CIITA: variants seen among roughly 807,000 people sequenced by gnomAD.
CIITA encodes class II major histocompatibility complex transactivator.
CIITA carries 72 observed loss-of-function variants against 115.1 expected under a neutral mutation model. That is an observed-to-expected ratio of 0.63 (90% confidence interval 0.52 to 0.76). The LOEUF is 0.76. CIITA is among the 30% of genes least tolerant of loss of function. The pLI, the probability that CIITA is intolerant of heterozygous loss-of-function variation, is 0.00. For synonymous variants in CIITA, 763 were observed against 635.6 expected (o/e 1.20, Z -3.02); for missense variants, 1,617 against 1,463.8 (o/e 1.10, Z -1.71).
rs1287513343 is a variant in CIITA at position 10,925,730 on chromosome 16, GCA to G, written c.*1881_*1882del. Reference sequence around the variant, plus strand: ...TACACACACATACACACACACGCGTGCACACACCAGAGCCCACCTTGGCTCAA... The same window carrying G: ...TACACACACATACACACACACGCGTGCACACCAGAGCCCACCTTGGCTCAA... On this transcript the variant is annotated 3_prime_UTR_variant, in exon 20 of 20. Coordinates refer to ENST00000324288, the MANE Select transcript of CIITA (RefSeq NM_000246.4). 2 of 152,274 alleles carry G rather than the reference GCA, an allele frequency of 1.3e-5. No homozygotes were observed. The highest frequency in any genetic ancestry group is 3.9e-4 in the East Asian group (2 of 5,194). The allele number at this position is 152,274 out of a possible 1,614,324, so 9.4% of individuals were successfully genotyped here.
At chr16:10,876,175 C>A (rs1188150075), upstream of CIITA, among the ~76,000 whole-genome samples, 2 of 151,342 alleles carry the variant, frequency 1.3e-5, no homozygotes, top group South Asian at 2.1e-4. Context: ...CAAAAACAAA[C>A]AAAAAAAACC....
Position 10,901,584 on chromosome 16 carries a change from TGGGAA to T in CIITA, c.481+30_481+34del, listed in dbSNP as rs764794681. Reference sequence around the variant, plus strand: ...GTGTGCAGGGCAGGTGGGCTGGGGTTGGGAAGGGTGGATGCCTTGGGGAGGGGATG... The same window carrying T: ...GTGTGCAGGGCAGGTGGGCTGGGGTTGGGTGGATGCCTTGGGGAGGGGATG... On this transcript the variant is annotated intron_variant, in intron 6 of 19. Coordinates refer to ENST00000324288, the MANE Select transcript of CIITA (RefSeq NM_000246.4). This position sits in a 1 kb window ranked among gnomAD's most constrained non-coding sequence, Gnocchi z 6.8. The T allele has an allele frequency of 3.1e-6, 5 of 1,612,178 alleles. No individual in the cohort carries two copies. The Admixed American group carries it at 8.3e-5, about 27-fold the overall frequency.
In CIITA at chr16:10,895,633, A is replaced by C. The variant is rs755717247; in HGVS notation, c.200-36A>C. The C allele has an allele frequency of 1.4e-5, 23 of 1,613,322 alleles. No homozygotes were observed. In the East Asian group the frequency reaches 2.9e-4, roughly 20 times the overall value. On this transcript the variant is annotated intron_variant, in intron 2 of 19. Coordinates refer to ENST00000324288, the MANE Select transcript of CIITA (RefSeq NM_000246.4). ...GTTCCCCACCAGCCCTCTTTCCAGA[A>C]ATTTCCTTCTTCATCCAAGGGACTT... is the stretch of plus-strand genomic sequence containing the variant.
chr16:10,915,138 C>T (rs975194870), intron 13 of CIITA: 3 of 430,656 alleles, frequency 7.0e-6, no homozygotes, highest in South Asian at 3.3e-5. Flanking sequence ...GCATCCTCCA[C>T]CTCCTGGGCT....
At chr16:10,915,909 A>G (rs1035219697) in intron 14 of CIITA, among the ~76,000 whole-genome samples, 2 of 152,180 alleles carry the variant, frequency 1.3e-5, no homozygotes, top group Non-Finnish European at 2.9e-5. Context: ...TGCATCCTCA[A>G]TGTGGCTGGC....
chr16:10,899,683 A>G (rs2038512256), intron 5 of CIITA, among the ~76,000 whole-genome samples: 1 of 152,210 alleles, frequency 6.6e-6, no homozygotes, highest in Admixed American at 6.5e-5. Flanking sequence ...CAGTTAACTG[A>G]GTACTTATTA....
Position 10,926,570 on chromosome 16 carries a change from C to T in CIITA, c.*2715C>T, listed in dbSNP as rs2040539035. 1 of 152,208 alleles carries T rather than the reference C, an allele frequency of 6.6e-6. No individual in the cohort carries two copies. Among genetic ancestry groups the T allele is most frequent in the Non-Finnish European group, 1.5e-5 (1 of 68,042 alleles). 9.4% of individuals were successfully genotyped at this position (152,208 alleles called of 1,614,324 possible). A position where few individuals can be genotyped will look rare whatever the true frequency, so the allele number is the denominator to read the frequency against. On this transcript the variant is annotated 3_prime_UTR_variant, in exon 20 of 20. Coordinates refer to ENST00000324288, the MANE Select transcript of CIITA (RefSeq NM_000246.4). ...TTTAATTTTTTTGAGACAGAGTTTT[C>T]ACTCTTATTGCCCACGCTGGAGTGC...
At chr16:10,919,275 C>A (rs2040138953) in intron 16 of CIITA, among the ~76,000 whole-genome samples, 1 of 5,906 alleles carries the variant, frequency 1.7e-4, no homozygotes, top group African/African-American at 1.8e-4. Context: ...CTCACTGCAA[C>A]TTCTGCCCCC....
upstream of CIITA, among the ~76,000 whole-genome samples, chr16:10,876,784 A>G (rs143604260): frequency 8.7e-4 from 133 of 152,324 alleles, no homozygotes; most frequent in Middle Eastern, 0.01. Context: ...GGGAGTAGGC[A>G]TGGTAGAGGA....
rs918821902 is a variant in CIITA, at chr16:10,932,332, A to G, written c.*8477A>G. 16 of 152,258 alleles carry G rather than the reference A, an allele frequency of 1.1e-4. No homozygotes were observed. Among genetic ancestry groups the G allele is most frequent in the African/African-American group, 3.6e-4 (15 of 41,454 alleles). The allele number at this position is 152,258 out of a possible 1,614,324, so 9.4% of individuals were successfully genotyped here. A position where few individuals can be genotyped will look rare whatever the true frequency, so the allele number is the denominator to read the frequency against. The stretch of plus-strand genomic sequence containing the variant: ...TGTTCACCTTGTACTACTCGAACTC[A>G]TGTCTTAACTCACTTATCCCTCAAA... On this transcript the variant is annotated 3_prime_UTR_variant, in exon 20 of 20. Coordinates refer to ENST00000324288, the MANE Select transcript of CIITA (RefSeq NM_000246.4).
At position 10,904,905 on chromosome 16, in the gene CIITA, C is replaced by T. The variant is rs554499471; in HGVS notation, c.1006+93C>T. On this transcript the variant is annotated intron_variant, in intron 10 of 19. Transcript: ENST00000324288. ...TCATTCACTTGACACTTATTCAACC[C>T]CTTCTTTGTTGGCTCACACACTCAT... 9.2e-6 allele frequency: 12 copies of T among 1,305,274 alleles called. 1 individual carries two copies. In the South Asian group the frequency reaches 1.3e-4, roughly 14 times the overall value. 80.9% of individuals were successfully genotyped at this position (1,305,274 alleles called of 1,614,324 possible).
At position 10,889,185 on chromosome 16, in the gene CIITA, G is replaced by A. The variant is rs141614653; in HGVS notation, c.53-6097G>A. Among the ~76,000 whole-genome samples the A allele has an allele frequency of 3.9e-5, 6 of 152,282 alleles. No individual in the cohort carries two copies. In the East Asian group the frequency reaches 5.8e-4, roughly 15 times the overall value. ...TCTCTCCTGCCACGGGATGATCAGG[G>A]CCATCTTTTCCCTCCATCCCGCTCT... On this transcript the variant is annotated intron_variant, in intron 1 of 19. Transcript: ENST00000324288.
In CIITA at chr16:10,925,187, C is replaced by G. The variant is rs981182913; in HGVS notation, c.*1332C>G. On this transcript the variant is annotated 3_prime_UTR_variant, in exon 20 of 20. Coordinates refer to ENST00000324288, the MANE Select transcript of CIITA (RefSeq NM_000246.4). Reference sequence around the variant, plus strand: ...GTTGGCTAGGACCCCTCCATGTGGGCTAGTTGGGCTTCCTCATAGTATGGT... The same window carrying G: ...GTTGGCTAGGACCCCTCCATGTGGGGTAGTTGGGCTTCCTCATAGTATGGT... 6.6e-6 allele frequency: 1 copy of G among 152,210 alleles called. No homozygotes were observed. Among genetic ancestry groups the G allele is most frequent in the African/African-American group, 2.4e-5 (1 of 41,434 alleles). The allele number at this position is 152,210 out of a possible 1,614,324, so 9.4% of individuals were successfully genotyped here.
rs1451098093 is a variant in CIITA, at chr16:10,942,574, G to A, written n.1700G>A. The A allele has an allele frequency of 1.3e-5, 2 of 152,444 alleles. No individual in the cohort carries two copies. Among genetic ancestry groups the A allele is most frequent in the African/African-American group, 4.8e-5 (2 of 41,586 alleles). The allele number at this position is 152,444 out of a possible 1,614,324, so 9.4% of individuals were successfully genotyped here. A position where few individuals can be genotyped will look rare whatever the true frequency, so the allele number is the denominator to read the frequency against. ...GCTGATTGGCTCCGGCCGCCAGGGG[G>A]CGGGTACCGCTTCGCTCCGCCCCTC... On this transcript the variant is annotated non_coding_transcript_exon_variant, in exon 2 of 2. Coordinates refer to the CIITA transcript ENST00000573379. This position sits in a 1 kb window ranked among gnomAD's most constrained non-coding sequence, Gnocchi z 5.0.
chr16:10,903,800 C>T lies in CIITA; in HGVS notation c.842C>T (p.Pro281Leu). Residue 281 changes from proline (P) to leucine (L), a missense_variant, in exon 9 of 20, where the codon CCA becomes CTA. Physicochemically the swap from Pro to Leu is moderately conservative, Grantham distance 98 (BLOSUM62 -3). Transcript: ENST00000324288. The part of the protein sequence containing the change: ...GFTVHGLPTS[P>L]DRPGSTSPFA... ...ACTGTCCACGGCCTCCCAACATCTC[C>T]AGACCGGCCAGGCTCCACCAGCCCC... The T allele has an allele frequency of 6.2e-7, 1 of 1,614,208 alleles. No homozygotes were observed. The highest frequency in any genetic ancestry group is 8.5e-7 in the Non-Finnish European group (1 of 1,180,042).
In CIITA at chr16:10,929,431, T is replaced by A; in HGVS notation, c.*5576T>A. Reference sequence around the variant, plus strand: ...CAGGCAGATGAGGTCTTGGGATGCCTCTTGCGTTCCCCCTTCTGTGGGAGC... The same window carrying A: ...CAGGCAGATGAGGTCTTGGGATGCCACTTGCGTTCCCCCTTCTGTGGGAGC... On this transcript the variant is annotated 3_prime_UTR_variant, in exon 20 of 20. Transcript: ENST00000324288. This position sits in a 1 kb window ranked among gnomAD's most constrained non-coding sequence, Gnocchi z 4.3. 5.1e-6 allele frequency: 5 copies of A among 985,886 alleles called. No individual in the cohort carries two copies. Among genetic ancestry groups the A allele is most frequent in the Non-Finnish European group, 4.8e-6 (4 of 829,972 alleles). 61.1% of individuals were successfully genotyped at this position (985,886 alleles called of 1,614,324 possible). A position where few individuals can be genotyped will look rare whatever the true frequency, so the allele number is the denominator to read the frequency against.
At position 10,928,612 on chromosome 16, in the gene CIITA, A is replaced by C. The variant is rs2145272169; in HGVS notation, c.*4757A>C. ...AGCCCTTCCCCCCTATCTTTAATGA[A>C]GGTCTACCATGTGCCTGACACAGGG... On this transcript the variant is annotated 3_prime_UTR_variant, in exon 20 of 20. Coordinates refer to ENST00000324288, the MANE Select transcript of CIITA (RefSeq NM_000246.4). 1 of 152,386 alleles carries C rather than the reference A, an allele frequency of 6.6e-6. No individual in the cohort carries two copies. The highest frequency in any genetic ancestry group is 2.4e-5 in the African/African-American group (1 of 41,560). 9.4% of individuals were successfully genotyped at this position (152,386 alleles called of 1,614,324 possible).
rs151070223 is a variant in CIITA, at chr16:10,904,936, TATTCATTC to T, written c.1006+138_1006+145del. On this transcript the variant is annotated intron_variant, in intron 10 of 19. Coordinates refer to ENST00000324288, the MANE Select transcript of CIITA (RefSeq NM_000246.4). ...TTGTTGGCTCACACACTCATTTATT[TATTCATTC>T]ATTCATTCATTCACTTATTTGATTA... The T allele has an allele frequency of 3.2e-3, 3,027 of 945,076 alleles. 59 individuals carry two copies. In the African/African-American group the frequency reaches 0.045, roughly 14 times the overall value. 58.5% of individuals were successfully genotyped at this position (945,076 alleles called of 1,614,324 possible).
At chr16:10,895,557 A>T (rs1596498936) in intron 2 of CIITA, 112 bp from the exon 3 acceptor site, 22 of 1,556,718 alleles carry the variant, frequency 1.4e-5, no homozygotes, top group Middle Eastern at 3.4e-4. Flanking sequence ...CGTCTGTGGG[A>T]CGCTCTCTGC....
Sources: allele counts gnomAD v4.1 joint callset (sites outside exome capture counted in the v4.1 genomes callset), GRCh38; gene constraint gnomAD v4.1.1; non-coding constraint Gnocchi (gnomAD v3.1); transcripts MANE v1.5; gene names NCBI Gene and HGNC (gene_info 2026-07-23, HGNC 2026-07-21).